The following TTC7B variants were observed in gnomAD, a reference collection of about 807,000 sequenced individuals.
TTC7B encodes the protein tetratricopeptide repeat protein 7B.
In TTC7B, 28 loss-of-function variants were observed where a neutral mutation model predicts 106.8. That is an observed-to-expected ratio of 0.26 (90% confidence interval 0.19 to 0.36). The LOEUF (loss-of-function observed/expected upper bound fraction) is 0.36. TTC7B is among the 10% of genes least tolerant of loss of function. TTC7B has a pLI of 1.00. For synonymous variants in TTC7B, 405 were observed against 430.6 expected (o/e 0.94, Z 0.74); for missense variants, 862 against 1,076.4 (o/e 0.80, Z 2.79).
intron 19 of TTC7B, among the ~76,000 whole-genome samples, chr14:90,573,891 C>G (rs1891152219): frequency 6.6e-6 from 1 of 152,258 alleles, no homozygotes; most frequent in Admixed American, 6.5e-5. Context: ...CAGCTCCCCT[C>G]CACGCAACCT....
At position 90,652,754 on chromosome 14, in the gene TTC7B, A is replaced by G. The variant is rs1595248292; in HGVS notation, c.1517+87T>C. The G allele has an allele frequency of 1.3e-5, 19 of 1,490,916 alleles. No individual in the cohort carries two copies. In the East Asian group the frequency reaches 4.1e-4, roughly 32 times the overall value. 92.4% of individuals were successfully genotyped at this position (1,490,916 alleles called of 1,614,324 possible). A position where few individuals can be genotyped will look rare whatever the true frequency, so the allele number is the denominator to read the frequency against. On this transcript the variant is annotated intron_variant, in intron 13 of 19. Transcript: ENST00000328459. Reference sequence around the variant, plus strand: ...CTCAGGGGTAAAACACTGTTTACATAATCTTTATAAATATCTCTTCTTTTT... The same window carrying G: ...CTCAGGGGTAAAACACTGTTTACATGATCTTTATAAATATCTCTTCTTTTT...
chr14:90,742,587 G>A lies in TTC7B; in HGVS notation c.576+2205C>T, dbSNP rs553223588. Among the ~76,000 whole-genome samples, 11 of 152,200 alleles carry A rather than the reference G, an allele frequency of 7.2e-5. No homozygotes were observed. Among genetic ancestry groups the A allele is most frequent in the South Asian group, 2.1e-4 (1 of 4,832 alleles). ...GTGAGCCAGCACTAAGCTAGGTGTC[G>A]TGTGAGTGGAGTTCTAAAACTAGTT... On this transcript the variant is annotated intron_variant, in intron 4 of 19. Coordinates refer to ENST00000328459, the MANE Select transcript of TTC7B (RefSeq NM_001010854.2). This position sits in a 1 kb window ranked among gnomAD's most constrained non-coding sequence, Gnocchi z 4.1.
At chr14:90,674,310 T>C (rs1886742303) in intron 9 of TTC7B, among the ~76,000 whole-genome samples, 1 of 152,230 alleles carries the variant, frequency 6.6e-6, no homozygotes. Flanking sequence ...CTTCAGTAAC[T>C]GAGCTATCCA....
In TTC7B at chr14:90,655,188, A is replaced by C; in HGVS notation, c.1342-78T>G. ...GAGTTCCCATAAGCGTCTGCTGCCA[A>C]AATTGGATTTCTGATGAGTCACTTT... On this transcript the variant is annotated intron_variant, in intron 11 of 19. Transcript: ENST00000328459. 4.6e-6 allele frequency: 5 copies of C among 1,076,208 alleles called. 1 individual carries two copies. The East Asian group carries it at 1.2e-4, about 25-fold the overall frequency. 66.7% of individuals were successfully genotyped at this position (1,076,208 alleles called of 1,614,324 possible).
intron 1 of TTC7B, among the ~76,000 whole-genome samples, chr14:90,790,797 G>A (rs2140045485): frequency 6.6e-6 from 1 of 152,186 alleles, no homozygotes; most frequent in South Asian, 2.1e-4. Flanking sequence ...GTTCTCAGTG[G>A]GAAAACTCTA....
chr14:90,731,951 T>C (rs1264319464), intron 4 of TTC7B, among the ~76,000 whole-genome samples: 3 of 152,148 alleles, frequency 2.0e-5, no homozygotes, highest in African/African-American at 7.2e-5. Flanking sequence ...AATTTTGACA[T>C]GCCATGATTA....
intron 3 of TTC7B, among the ~76,000 whole-genome samples, chr14:90,751,105 T>G (rs529715469): frequency 2.0e-5 from 3 of 152,130 alleles, no homozygotes; most frequent in Non-Finnish European, 4.4e-5. Context: ...CTGACAAAAA[T>G]AAGTGAAAAG....
chr14:90,740,252 A>ATGC (rs377009456), intron 4 of TTC7B, among the ~76,000 whole-genome samples: 9 of 152,214 alleles, frequency 5.9e-5, no homozygotes, highest in African/African-American at 1.9e-4. Flanking sequence ...TGCCTGGCAC[A>ATGC]TGCTGCTGCT....
intron 19 of TTC7B, among the ~76,000 whole-genome samples, chr14:90,557,731 T>C (rs899193411): frequency 6.6e-6 from 1 of 152,250 alleles, no homozygotes; most frequent in Non-Finnish European, 1.5e-5. Context: ...GCCCCTGCTC[T>C]GGTGCTGCCT....
intron 18 of TTC7B, among the ~76,000 whole-genome samples, chr14:90,579,222 C>A (rs1022175626): frequency 6.6e-6 from 1 of 152,196 alleles, no homozygotes; most frequent in African/African-American, 2.4e-5. Context: ...TCTGAATCAC[C>A]CCCCACCCCT....
In TTC7B at chr14:90,807,256, G is replaced by A. The variant is rs1225462418; in HGVS notation, c.121+8919C>T. Among the ~76,000 whole-genome samples the A allele has an allele frequency of 6.6e-6, 1 of 152,128 alleles. No homozygotes were observed. Among genetic ancestry groups the A allele is most frequent in the Admixed American group, 6.6e-5 (1 of 15,264 alleles). ...CCCTGCTTACCCACTCACTGCCACTGAGTCTGACCTCTCCAGGCTCCCAGC... is the reference window on the plus strand; with the variant it reads ...CCCTGCTTACCCACTCACTGCCACTAAGTCTGACCTCTCCAGGCTCCCAGC... On this transcript the variant is annotated intron_variant, in intron 1 of 19. Coordinates refer to ENST00000328459, the MANE Select transcript of TTC7B (RefSeq NM_001010854.2). The surrounding 1 kb of genome is among the most constrained non-coding windows in gnomAD (Gnocchi z 4.1).
rs1213911026 is a variant in TTC7B, at chr14:90,536,313, C to G, written c.*5055G>C. On this transcript the variant is annotated 3_prime_UTR_variant, in exon 20 of 20. Transcript: ENST00000328459. Reference sequence around the variant, plus strand: ...TCAGCCCTGACCTCTTCCTCTTTGTCTATGCTTGTCCCGAAGTGGCCCCGT... The same window carrying G: ...TCAGCCCTGACCTCTTCCTCTTTGTGTATGCTTGTCCCGAAGTGGCCCCGT... The G allele has an allele frequency of 6.5e-6, 1 of 154,178 alleles. No individual in the cohort carries two copies. Among genetic ancestry groups the G allele is most frequent in the Non-Finnish European group, 1.5e-5 (1 of 68,638 alleles). The allele number at this position is 154,178 out of a possible 1,614,324, so 9.6% of individuals were successfully genotyped here. A position where few individuals can be genotyped will look rare whatever the true frequency, so the allele number is the denominator to read the frequency against.
intron 5 of TTC7B, among the ~76,000 whole-genome samples, chr14:90,704,778 T>A (rs1028993060): frequency 6.6e-6 from 1 of 152,152 alleles, no homozygotes; most frequent in Non-Finnish European, 1.5e-5. Context: ...AAGACTAACA[T>A]TGATAAGATG....
Position 90,600,662 on chromosome 14 carries a change from G to A in TTC7B, c.1967-7036C>T, listed in dbSNP as rs913180255. 2.6e-5 allele frequency among the ~76,000 whole-genome samples: 4 copies of A among 152,208 alleles called. No individual in the cohort carries two copies. The highest frequency in any genetic ancestry group is 2.1e-4 in the South Asian group (1 of 4,828). ...GGACCCCAGTAAGGCAGGGAGGGCCGGGGACATGTCATCACCGGTGGGCAT... is the reference window on the plus strand; with the variant it reads ...GGACCCCAGTAAGGCAGGGAGGGCCAGGGACATGTCATCACCGGTGGGCAT... On this transcript the variant is annotated intron_variant, in intron 17 of 19. Coordinates refer to ENST00000328459, the MANE Select transcript of TTC7B (RefSeq NM_001010854.2). The surrounding 1 kb of genome is among the most constrained non-coding windows in gnomAD (Gnocchi z 4.3).
intron 19 of TTC7B, among the ~76,000 whole-genome samples, chr14:90,546,326 C>G (rs1889828341): frequency 6.6e-6 from 1 of 152,246 alleles, no homozygotes; most frequent in African/African-American, 2.4e-5. Context: ...TGCACTGCAG[C>G]CCTCATGTCC....
intron 3 of TTC7B, among the ~76,000 whole-genome samples, chr14:90,771,167 C>A (rs1890850900): frequency 6.6e-6 from 1 of 151,820 alleles, no homozygotes; most frequent in African/African-American, 2.4e-5. Flanking sequence ...GAACTGTGCA[C>A]TTAAAAATAA....
intron 7 of TTC7B, among the ~76,000 whole-genome samples, chr14:90,682,161 C>G (rs989091728): frequency 1.3e-5 from 2 of 152,026 alleles, no homozygotes; most frequent in Non-Finnish European, 2.9e-5. Context: ...TCTGCATTAT[C>G]CAGACCAATT....
intron 19 of TTC7B, among the ~76,000 whole-genome samples, chr14:90,571,615 A>G (rs963045455): frequency 3.3e-5 from 5 of 152,238 alleles, no homozygotes; most frequent in Admixed American, 6.5e-5. Flanking sequence ...ACTATCATGA[A>G]GTTTTGTTTC....
chr14:90,621,547 G>A (rs566724040), intron 15 of TTC7B, among the ~76,000 whole-genome samples: 10 of 151,948 alleles, frequency 6.6e-5, no homozygotes, highest in Admixed American at 1.3e-4. Context: ...ACGTGGGTAC[G>A]GCTGGGACAA....
Sources: gnomAD v4.1 joint callset for allele counts (sites outside exome capture counted in the v4.1 genomes callset) on GRCh38, gnomAD v4.1.1 for gene constraint, Gnocchi (gnomAD v3.1) non-coding constraint, MANE v1.5 for transcripts, NCBI Gene and HGNC (gene_info 2026-07-23, HGNC 2026-07-21) for gene names.